Variants in PIK3C2G observed in about 807,000 individuals in gnomAD.
PIK3C2G encodes the protein phosphatidylinositol 3-kinase C2 domain-containing subunit gamma.
A neutral mutation model predicts 181.1 loss-of-function variants in PIK3C2G; 168 were observed. That is an observed-to-expected ratio of 0.93 (90% CI 0.82 to 1.05). PIK3C2G has a LOEUF of 1.05. Ranked by LOEUF, PIK3C2G falls within the 50% of genes least tolerant of loss-of-function variation. The pLI is 0.00. For missense variants in PIK3C2G, 1,869 were observed against 1,732.8 expected, an observed-to-expected ratio of 1.08 and a Z score of -1.40; for synonymous variants, 573 against 592.2, an observed-to-expected ratio of 0.97 and a Z score of 0.47.
At chr12:18,324,956 T>C in intron 7 of PIK3C2G, 79 bp from the exon 8 acceptor site, 1 of 705,630 alleles carries the variant, frequency 1.4e-6, no homozygotes, top group Non-Finnish European at 2.4e-6. Flanking sequence ...CAAAACAATT[T>C]GTGATAAATG....
At chr12:18,533,786 C>A (rs561032903) in intron 24 of PIK3C2G, among the ~76,000 whole-genome samples, 1 of 152,058 alleles carries the variant, frequency 6.6e-6, no homozygotes, top group Non-Finnish European at 1.5e-5. Context: ...TACCCTAAAA[C>A]TCTACATATC....
chr12:18,416,219 T>C (rs1945168548), intron 16 of PIK3C2G, among the ~76,000 whole-genome samples: 1 of 151,714 alleles, frequency 6.6e-6, no homozygotes, highest in Admixed American at 6.6e-5. Context: ...CACTCTAGCC[T>C]GGGCAATGGA....
At chr12:18,630,775 G>A (rs990568655) in intron 31 of PIK3C2G, among the ~76,000 whole-genome samples, 1 of 152,032 alleles carries the variant, frequency 6.6e-6, no homozygotes, top group African/African-American at 2.4e-5. Context: ...ATTACCTTCT[G>A]AGCACAGTAA....
At chr12:18,703,822 C>T in the PIK3C2G span, among the ~76,000 whole-genome samples, 6,135 of 152,216 alleles carry the variant, frequency 0.04, 173 homozygotes, top group Middle Eastern at 0.082. Flanking sequence ...TGAATAAATT[C>T]TTCTAACTGA....
Position 18,271,954 on chromosome 12 carries a change from A to C in PIK3C2G, c.-78-10050A>C, listed in dbSNP as rs143036249. Among the ~76,000 whole-genome samples the C allele has an allele frequency of 3.3e-5, 5 of 152,252 alleles. No homozygotes were observed. The East Asian group carries it at 9.7e-4, about 29-fold the overall frequency. Reference sequence around the variant, plus strand: ...TAATGTGCTATTAGAAATTGAACAAACTTGTAATCACCTCCCATGTCTAGA... The same window carrying C: ...TAATGTGCTATTAGAAATTGAACAACCTTGTAATCACCTCCCATGTCTAGA... On this transcript the variant is annotated intron_variant, in intron 1 of 32. Coordinates refer to ENST00000538779, the MANE Select transcript of PIK3C2G (RefSeq NM_001288772.2).
rs1003734579 is a variant in PIK3C2G, at chr12:18,286,996, C to T, written c.761+67C>T. 29 of 646,130 alleles carry T rather than the reference C, an allele frequency of 4.5e-5. No individual in the cohort carries two copies. In the African/African-American group the frequency reaches 4.7e-4, roughly 11 times the overall value. 40.0% of individuals were successfully genotyped at this position (646,130 alleles called of 1,614,324 possible). ...TGAATAAATTTGTGTATTTTGACAT[C>T]ACTGAACTGATTAATTTTGCATATA... On this transcript the variant is annotated intron_variant, in intron 3 of 32. Coordinates refer to ENST00000538779, the MANE Select transcript of PIK3C2G (RefSeq NM_001288772.2).
At chr12:18,682,055 A>G in the PIK3C2G span, among the ~76,000 whole-genome samples, 1 of 152,040 alleles carries the variant, frequency 6.6e-6, no homozygotes. Flanking sequence ...GCATCTTTCT[A>G]AGAATTGGCT....
chr12:18,566,989 CA>C lies in PIK3C2G; in HGVS notation c.3944del (p.His1315ProfsTer7). On this transcript the variant is annotated frameshift_variant, in exon 29 of 33. Transcript: ENST00000538779. LOFTEE classifies it high-confidence loss of function. ...GCACCTACCTTTTACAAATTCAGAT[CA>C]CAGAAGATTCAGAGATCTAAATCAT... ...WWHLPFTNSD[H>X]RRFRDLNHYM... 6.2e-7 allele frequency: 1 copy of C among 1,601,266 alleles called. No individual in the cohort carries two copies. Among genetic ancestry groups the C allele is most frequent in the Non-Finnish European group, 8.6e-7 (1 of 1,169,132 alleles).
chr12:18,472,559 T>C (rs1263616216), intron 18 of PIK3C2G, among the ~76,000 whole-genome samples: 1 of 152,170 alleles, frequency 6.6e-6, no homozygotes, highest in Admixed American at 6.5e-5. Flanking sequence ...CGCTGTATTG[T>C]CAGGGTTTGT....
intron 5 of PIK3C2G, among the ~76,000 whole-genome samples, chr12:18,309,828 A>G (rs188751432): frequency 1.7e-4 from 26 of 151,946 alleles, no homozygotes; most frequent in African/African-American, 5.8e-4. Context: ...CATTTTGATA[A>G]CTACTTCTCT....
At chr12:18,562,560 G>T (rs1174326319) in intron 26 of PIK3C2G, 143 bp from the exon 27 acceptor site, 2 of 575,082 alleles carry the variant, frequency 3.5e-6, no homozygotes, top group Non-Finnish European at 6.2e-6. Flanking sequence ...TACAAATAAC[G>T]TTTAATTGTT....
intron 18 of PIK3C2G, among the ~76,000 whole-genome samples, chr12:18,461,982 C>G (rs1448379642): frequency 6.6e-6 from 1 of 152,188 alleles, no homozygotes; most frequent in Non-Finnish European, 1.5e-5. Flanking sequence ...GTCACATCTT[C>G]TCTTCCCTCT....
Position 18,255,215 on chromosome 12 carries a change from A to AAAAATAAAT in PIK3C2G, c.-79+7137_-79+7145dup, listed in dbSNP as rs1465276920. 8.9e-4 allele frequency among the ~76,000 whole-genome samples: 98 copies of AAAAATAAAT among 110,512 alleles called. 1 individual carries two copies. Among genetic ancestry groups the AAAAATAAAT allele is most frequent in the South Asian group, 1.4e-3 (5 of 3,554 alleles). The allele number at this position is 110,512 out of a possible 152,430, so 72.5% of individuals were successfully genotyped here. A position where few individuals can be genotyped will look rare whatever the true frequency, so the allele number is the denominator to read the frequency against. On this transcript the variant is annotated intron_variant, in intron 1 of 11. Transcript: ENST00000535651. Reference sequence around the variant, plus strand: ...TGGGCAATGAGTGAAACTCCGTCTCAAAAATAAATAAATAAATAAATAAAT... The same window carrying AAAAATAAAT: ...TGGGCAATGAGTGAAACTCCGTCTCAAAAATAAATAAAATAAATAAATAAATAAATAAAT...
the PIK3C2G span, chr12:18,684,074 T>C: frequency 1.3e-6 from 2 of 1,575,118 alleles, no homozygotes; most frequent in Non-Finnish European, 8.7e-7. Flanking sequence ...GTGTCTTTGA[T>C]ATACACAAGT....
In PIK3C2G at chr12:18,478,783, T is replaced by A. The variant is rs865889906; in HGVS notation, c.2505-9666T>A. The stretch of plus-strand genomic sequence containing the variant: ...TGAGCCCAAGAGTTCCAGACCAGCC[T>A]GGGCAACACAAGGAGACCCCACCTC... On this transcript the variant is annotated intron_variant, in intron 18 of 32. Coordinates refer to ENST00000538779, the MANE Select transcript of PIK3C2G (RefSeq NM_001288772.2). Among the ~76,000 whole-genome samples the A allele has an allele frequency of 9.9e-5, 15 of 152,194 alleles. No homozygotes were observed. The South Asian group carries it at 1.2e-3, about 13-fold the overall frequency.
At chr12:18,333,459 C>T (rs973500179) in intron 8 of PIK3C2G, among the ~76,000 whole-genome samples, 1 of 152,004 alleles carries the variant, frequency 6.6e-6, no homozygotes, top group Non-Finnish European at 1.5e-5. Flanking sequence ...ACCGACAGGC[C>T]CGGTGTGTGA....
chr12:18,582,398 G>T (rs7138779), intron 29 of PIK3C2G, among the ~76,000 whole-genome samples: 5 of 152,010 alleles, frequency 3.3e-5, no homozygotes, highest in African/African-American at 9.7e-5. Context: ...GAGATCCCCT[G>T]GTGAACCCAC....
intron 16 of PIK3C2G, among the ~76,000 whole-genome samples, chr12:18,409,438 C>A (rs1471356825): frequency 3.9e-5 from 6 of 151,912 alleles, no homozygotes; most frequent in Admixed American, 3.9e-4. Context: ...AGGAGAAATA[C>A]CTAATGTAGA....
At chr12:18,720,865 GAA>G in the PIK3C2G span, among the ~76,000 whole-genome samples, 1 of 151,890 alleles carries the variant, frequency 6.6e-6, no homozygotes, top group Non-Finnish European at 1.5e-5. Context: ...CAGCCATTAA[GAA>G]TAATGTATCA....
Sources: gnomAD v4.1 joint callset for allele counts (sites outside exome capture counted in the v4.1 genomes callset) on GRCh38, gnomAD v4.1.1 for gene constraint, MANE v1.5 for transcripts, NCBI Gene and HGNC (gene_info 2026-07-23, HGNC 2026-07-21) for gene names.